LCAT: variants seen among roughly 807,000 people sequenced by gnomAD.
LCAT encodes the protein phosphatidylcholine-sterol acyltransferase.
A neutral mutation model predicts 41.0 loss-of-function variants in LCAT; 15 were observed. The observed-to-expected ratio is 0.37, with a 90% confidence interval of 0.24 to 0.56. LCAT has a LOEUF of 0.56. Ranked by LOEUF, LCAT falls within the 20% of genes least tolerant of loss-of-function variation. The probability of loss-of-function intolerance (pLI) is 0.81; values close to 1 mark genes in which losing one functional copy is unlikely to be tolerated. For synonymous variants in LCAT, 248 were observed against 245.4 expected (o/e 1.01, Z -0.10); for missense variants, 449 against 595.1 (o/e 0.75, Z 2.55).
At position 67,942,482 on chromosome 16, in the gene LCAT, T is replaced by A; in HGVS notation, c.629A>T (p.His210Leu). The A allele has an allele frequency of 6.2e-7, 1 of 1,613,706 alleles. No homozygotes were observed. Among genetic ancestry groups the A allele is most frequent in the Non-Finnish European group, 8.5e-7 (1 of 1,179,984 alleles). Residue 210 changes from histidine (H) to leucine (L), a missense_variant, in exon 5 of 6, where the codon CAC (histidine) becomes CTC (leucine). Coordinates refer to ENST00000264005, the MANE Select transcript of LCAT (RefSeq NM_000229.2). This position sits in a 1 kb window ranked among gnomAD's most constrained non-coding sequence, Gnocchi z 6.6. Reference sequence around the variant, plus strand: ...CTGGCGCAGCAGGAAATAGAGCAAGTGTAGACAGCCGAGGCTGTGGCCAAT... The same window carrying A: ...CTGGCGCAGCAGGAAATAGAGCAAGAGTAGACAGCCGAGGCTGTGGCCAAT... ...FLIGHSLGCL[H>L]LLYFLLRQPQ...
At position 67,942,633 on chromosome 16, in the gene LCAT, TGCCCCA is replaced by T; in HGVS notation, c.523+32_523+37del. ...CAGGGCAGCTGGGGTCTGGGGCACC[TGCCCCA>T]CCCCAAGCCGGTCATCCGCAGAGAC... On this transcript the variant is annotated intron_variant, in intron 4 of 5. Transcript: ENST00000264005. The surrounding 1 kb of genome is among the most constrained non-coding windows in gnomAD (Gnocchi z 6.6). 6.2e-7 allele frequency: 1 copy of T among 1,612,556 alleles called. No homozygotes were observed. Among genetic ancestry groups the T allele is most frequent in the East Asian group, 2.2e-5 (1 of 44,882 alleles).
Position 67,943,061 on chromosome 16 carries a change from G to GT in LCAT, c.305dup (p.Asn102LysfsTer68). 1 of 1,613,974 alleles carries GT rather than the reference G, an allele frequency of 6.2e-7. No individual in the cohort carries two copies. Among genetic ancestry groups the GT allele is most frequent in the Non-Finnish European group, 8.5e-7 (1 of 1,179,934 alleles). On this transcript the variant is annotated frameshift_variant, in exon 2 of 6. Transcript: ENST00000264005. LOFTEE classifies it high-confidence loss of function. The surrounding 1 kb of genome is among the most constrained non-coding windows in gnomAD (Gnocchi z 4.6). ...GGTGGAGCACATGGCTGTACCTGGT[G>GT]TTATCGATCCAGCAGTCTACCCCAA...
Position 67,942,396 on chromosome 16 carries a change from C to T in LCAT, c.715G>A (p.Gly239Ser). Residue 239 changes from glycine to serine, a missense_variant, in exon 5 of 6, where the codon GGC becomes AGC. Gly to Ser is a moderately conservative substitution (Grantham distance 56). Transcript: ENST00000264005. This position sits in a 1 kb window ranked among gnomAD's most constrained non-coding sequence, Gnocchi z 6.6. ...GFISLGAPWG[G>S]SIKPMLVLAS... is the part of the protein sequence containing the mutation. ...AAGACCAGCATGGGCTTGATGGAGCCACCCCAGGGAGCCCCAAGAGAGATG... is the reference window on the plus strand; with the variant it reads ...AAGACCAGCATGGGCTTGATGGAGCTACCCCAGGGAGCCCCAAGAGAGATG... 1 of 1,613,936 alleles carries T rather than the reference C, an allele frequency of 6.2e-7. No individual in the cohort carries two copies. Among genetic ancestry groups the T allele is most frequent in the Non-Finnish European group, 8.5e-7 (1 of 1,179,984 alleles).
intron 5 of LCAT, 170 bp from the exon 6 acceptor site, chr16:67,940,648 G>C: frequency 8.5e-7 from 1 of 1,183,244 alleles, no homozygotes; most frequent in Admixed American, 2.6e-5. Context: ...CTCAGTGTCA[G>C]CTTACTCAAT....
chr16:67,943,611 T>G lies in LCAT; in HGVS notation c.154+337A>C. The G allele has an allele frequency of 4.1e-6, 2 of 490,758 alleles. No homozygotes were observed. The highest frequency in any genetic ancestry group is 1.9e-5 in the African/African-American group (1 of 51,724). The allele number at this position is 490,758 out of a possible 1,614,324, so 30.4% of individuals were successfully genotyped here. Reference sequence around the variant, plus strand: ...GATCCTGGGCTGGGCATCTTGTCCTTGGTGGGTGGGGGCCAAGGAAGGAGT... The same window carrying G: ...GATCCTGGGCTGGGCATCTTGTCCTGGGTGGGTGGGGGCCAAGGAAGGAGT... On this transcript the variant is annotated intron_variant, in intron 1 of 5. Coordinates refer to ENST00000264005, the MANE Select transcript of LCAT (RefSeq NM_000229.2). The surrounding 1 kb of genome is among the most constrained non-coding windows in gnomAD (Gnocchi z 4.6).
Position 67,942,696 on chromosome 16 carries a change from G to T in LCAT, c.498C>A (p.Ala166=). The T allele has an allele frequency of 6.2e-7, 1 of 1,612,918 alleles. No homozygotes were observed. Among genetic ancestry groups the T allele is most frequent in the Non-Finnish European group, 8.5e-7 (1 of 1,179,934 alleles). ...CGGGCTCCAGCCGCCAGTCATAGGG[G>T]GCGGCGCGCACAGTCTCGTCCCGCA... ...GYVRDETVRA[A]PYDWRLEPGQ... The change falls in exon 4 of 6, where the codon GCC becomes GCA. Residue 166 remains alanine, a synonymous_variant. Coordinates refer to ENST00000264005, the MANE Select transcript of LCAT (RefSeq NM_000229.2). The surrounding 1 kb of genome is among the most constrained non-coding windows in gnomAD (Gnocchi z 6.6).
At position 67,943,384 on chromosome 16, in the gene LCAT, C is replaced by G; in HGVS notation, c.155-172G>C. On this transcript the variant is annotated intron_variant, in intron 1 of 5. Transcript: ENST00000264005. The surrounding 1 kb of genome is among the most constrained non-coding windows in gnomAD (Gnocchi z 4.6). ...ACACCCCCTCTCCCTGCTGTCCCCC[C>G]AGTAGCCAAAGCCCAGGCTTCCCTG... 1 of 676,158 alleles carries G rather than the reference C, an allele frequency of 1.5e-6. No individual in the cohort carries two copies. Among genetic ancestry groups the G allele is most frequent in the Admixed American group, 2.1e-5 (1 of 47,142 alleles). 41.9% of individuals were successfully genotyped at this position (676,158 alleles called of 1,614,324 possible). A position where few individuals can be genotyped will look rare whatever the true frequency, so the allele number is the denominator to read the frequency against.
Position 67,942,691 on chromosome 16 carries a change from T to C in LCAT, c.503A>G (p.Tyr168Cys), listed in dbSNP as rs779203902. 16 of 1,612,668 alleles carry C rather than the reference T, an allele frequency of 9.9e-6. No homozygotes were observed. The highest frequency in any genetic ancestry group is 2.7e-5 in the African/African-American group (2 of 74,914). The change falls in exon 4 of 6, where the codon TAT becomes TGT. Residue 168 changes from tyrosine to cysteine, a missense_variant. Tyr to Cys is a radical substitution (Grantham distance 194, BLOSUM62 -2). Transcript: ENST00000264005. This position sits in a 1 kb window ranked among gnomAD's most constrained non-coding sequence, Gnocchi z 6.6. ...VRDETVRAAP[Y>C]DWRLEPGQQE... ...CTCACCGGGCTCCAGCCGCCAGTCA[T>C]AGGGGGCGGCGCGCACAGTCTCGTC...
chr16:67,942,828 C>A lies in LCAT; in HGVS notation c.427+33G>T. ...TGCCTGCTGTGGGCCAGCACCCAGG[C>A]CTGGAGCCCCAGCCCTGCCCTCTGA... On this transcript the variant is annotated intron_variant, in intron 3 of 5. Transcript: ENST00000264005. This position sits in a 1 kb window ranked among gnomAD's most constrained non-coding sequence, Gnocchi z 6.6. 6.2e-7 allele frequency: 1 copy of A among 1,611,380 alleles called. No individual in the cohort carries two copies. The highest frequency in any genetic ancestry group is 8.5e-7 in the Non-Finnish European group (1 of 1,178,298).
Position 67,939,844 on chromosome 16 carries a change from T to C in LCAT, c.*60A>G. On this transcript the variant is annotated 3_prime_UTR_variant, in exon 6 of 6. Coordinates refer to ENST00000264005, the MANE Select transcript of LCAT (RefSeq NM_000229.2). ...AGGAGTGAAACCTAGTGTGGGACTC[T>C]AGTGCCTCCCTTCAACCTGAAACAT... 2 of 1,576,684 alleles carry C rather than the reference T, an allele frequency of 1.3e-6. No individual in the cohort carries two copies. The highest frequency in any genetic ancestry group is 8.6e-7 in the Non-Finnish European group (1 of 1,159,150).
Position 67,940,542 on chromosome 16 carries a change from T to C in LCAT, c.749-64A>G, listed in dbSNP as rs569405393. On this transcript the variant is annotated intron_variant, in intron 5 of 5. Transcript: ENST00000264005. Reference sequence around the variant, plus strand: ...TGGCTACCCCTGGCCCACAACCTGCTGAGTGTAGGCTCAGCCAGATGCTCA... The same window carrying C: ...TGGCTACCCCTGGCCCACAACCTGCCGAGTGTAGGCTCAGCCAGATGCTCA... The C allele has an allele frequency of 1.9e-6, 3 of 1,604,772 alleles. No homozygotes were observed. In the Admixed American group the frequency reaches 5.1e-5, roughly 27 times the overall value.
In LCAT at chr16:67,943,734, C is replaced by G. The variant is rs926619618; in HGVS notation, c.154+214G>C. 3 of 583,334 alleles carry G rather than the reference C, an allele frequency of 5.1e-6. No individual in the cohort carries two copies. In the African/African-American group the frequency reaches 5.6e-5, roughly 11 times the overall value. 36.1% of individuals were successfully genotyped at this position (583,334 alleles called of 1,614,324 possible). A position where few individuals can be genotyped will look rare whatever the true frequency, so the allele number is the denominator to read the frequency against. On this transcript the variant is annotated intron_variant, in intron 1 of 5. Coordinates refer to ENST00000264005, the MANE Select transcript of LCAT (RefSeq NM_000229.2). The surrounding 1 kb of genome is among the most constrained non-coding windows in gnomAD (Gnocchi z 4.6). ...GCACACCCCGTCCCCCACTCCGCCC[C>G]CCCTGGGTTAGACAACTGAGAGTCA...
At position 67,943,408 on chromosome 16, in the gene LCAT, T is replaced by A; in HGVS notation, c.155-196A>T. The A allele has an allele frequency of 3.4e-6, 2 of 592,550 alleles. No individual in the cohort carries two copies. Among genetic ancestry groups the A allele is most frequent in the Non-Finnish European group, 3.1e-6 (1 of 324,798 alleles). The allele number at this position is 592,550 out of a possible 1,614,324, so 36.7% of individuals were successfully genotyped here. A position where few individuals can be genotyped will look rare whatever the true frequency, so the allele number is the denominator to read the frequency against. On this transcript the variant is annotated intron_variant, in intron 1 of 5. Transcript: ENST00000264005. The surrounding 1 kb of genome is among the most constrained non-coding windows in gnomAD (Gnocchi z 4.6). The stretch of plus-strand genomic sequence containing the variant: ...CCAGTAGCCAAAGCCCAGGCTTCCC[T>A]GAGGAAGGGAAGGCGCTGAGGTGCT...
In LCAT at chr16:67,940,206, C is replaced by T. The variant is rs746487870; in HGVS notation, c.1021G>A (p.Val341Met). ...TAGGTGCGGGGCGTGGGCAGGCCCA[C>T]GCCGTAAAGACAGTATACTTCCACA... The part of the protein sequence containing the change: ...PGVEVYCLYG[V>M]GLPTPRTYIY... The change falls in exon 6 of 6, where the codon GTG becomes ATG. Residue 341 changes from valine (V) to methionine (M), a missense_variant. Physicochemically the swap from Val to Met is conservative, Grantham distance 21. Coordinates refer to ENST00000264005, the MANE Select transcript of LCAT (RefSeq NM_000229.2). The T allele has an allele frequency of 4.5e-5, 72 of 1,612,562 alleles. No homozygotes were observed. Among genetic ancestry groups the T allele is most frequent in the Non-Finnish European group, 4.4e-5 (52 of 1,179,912 alleles).
At position 67,942,920 on chromosome 16, in the gene LCAT, C is replaced by G. The variant is rs199717050; in HGVS notation, c.368G>C (p.Arg123Pro). 1.2e-6 allele frequency: 2 copies of G among 1,613,872 alleles called. No homozygotes were observed. Among genetic ancestry groups the G allele is most frequent in the Admixed American group, 3.3e-5 (2 of 60,022 alleles). Residue 123 changes from arginine to proline, a missense_variant, in exon 3 of 6, where the codon CGC becomes CCC. Arg to Pro is a moderately radical substitution (Grantham distance 103). Transcript: ENST00000264005. The surrounding 1 kb of genome is among the most constrained non-coding windows in gnomAD (Gnocchi z 6.6). ...LVSNAPGVQI[R>P]VPGFGKTYSV... ...GTAGGTCTTGCCAAAGCCAGGGACG[C>G]GGATCTGGACACCAGGGGCGTTGGA... is the stretch of plus-strand genomic sequence containing the variant.
At position 67,943,188 on chromosome 16, in the gene LCAT, A is replaced by G. The variant is rs1474727071; in HGVS notation, c.179T>C (p.Leu60Pro). The change falls in exon 2 of 6, where the codon CTA becomes CCA. Residue 60 changes from leucine (L) to proline (P), a missense_variant. Coordinates refer to ENST00000264005, the MANE Select transcript of LCAT (RefSeq NM_000229.2). This position sits in a 1 kb window ranked among gnomAD's most constrained non-coding sequence, Gnocchi z 4.6. ...ATCTGGTTTGTCCAGCTTGGCTTCT[A>G]GCTGATTCCCCAGGCAGCCGGGCAC... is the stretch of plus-strand genomic sequence containing the variant. Reference protein sequence around the residue: ...ILVPGCLGNQLEAKLDKPDVV... With the variant: ...ILVPGCLGNQPEAKLDKPDVV... The G allele has an allele frequency of 6.2e-7, 1 of 1,613,398 alleles. No individual in the cohort carries two copies. The highest frequency in any genetic ancestry group is 1.3e-5 in the African/African-American group (1 of 74,842).
In LCAT at chr16:67,943,088, G is replaced by C; in HGVS notation, c.279C>G (p.Pro93=). Residue 93 remains proline (P), a synonymous_variant, in exon 2 of 6, where the codon CCC becomes CCG. Coordinates refer to ENST00000264005, the MANE Select transcript of LCAT (RefSeq NM_000229.2). This position sits in a 1 kb window ranked among gnomAD's most constrained non-coding sequence, Gnocchi z 4.6. Reference sequence around the variant, plus strand: ...TATCGATCCAGCAGTCTACCCCAAGGGGTAGGAACATGTTGAGATCCAGCC... The same window carrying C: ...TATCGATCCAGCAGTCTACCCCAAGCGGTAGGAACATGTTGAGATCCAGCC... ...TIWLDLNMFL[P]LGVDCWIDNT... The C allele has an allele frequency of 6.2e-7, 1 of 1,613,982 alleles. No homozygotes were observed. Among genetic ancestry groups the C allele is most frequent in the Middle Eastern group, 1.7e-4 (1 of 6,060 alleles).
chr16:67,942,526 A>C lies in LCAT; in HGVS notation c.585T>G (p.Tyr195Ter). 1 of 1,613,666 alleles carries C rather than the reference A, an allele frequency of 6.2e-7. No individual in the cohort carries two copies. The highest frequency in any genetic ancestry group is 8.5e-7 in the Non-Finnish European group (1 of 1,180,002). ...AGLVEEMHAA[Y>*]GKPVFLIGHS... ...GGCCAATGAGGAAGACAGGCTTCCC[A>C]TAGGCAGCGTGCATCTCCTCCACCA... The change falls in exon 5 of 6, where the codon TAT (tyrosine) becomes TAG (stop). Residue 195 changes from tyrosine (Y) to a stop codon, truncating the protein, a stop_gained. Transcript: ENST00000264005. LOFTEE classifies it high-confidence loss of function. This position sits in a 1 kb window ranked among gnomAD's most constrained non-coding sequence, Gnocchi z 6.6.
Position 67,942,663 on chromosome 16 carries a change from A to ACACT in LCAT, c.523+4_523+7dup. 1 of 1,612,780 alleles carries ACACT rather than the reference A, an allele frequency of 6.2e-7. No homozygotes were observed. On this transcript the variant is annotated splice_region_variant and intron_variant, in intron 4 of 5. Coordinates refer to ENST00000264005, the MANE Select transcript of LCAT (RefSeq NM_000229.2). This position sits in a 1 kb window ranked among gnomAD's most constrained non-coding sequence, Gnocchi z 6.6. ...CACCCCAAGCCGGTCATCCGCAGAG[A>ACACT]CACTCACCGGGCTCCAGCCGCCAGT... is the stretch of plus-strand genomic sequence containing the variant.
Sources: gnomAD v4.1 joint callset for allele counts on GRCh38, gnomAD v4.1.1 for gene constraint, Gnocchi (gnomAD v3.1) non-coding constraint, MANE v1.5 for transcripts, NCBI Gene and HGNC (gene_info 2026-07-23, HGNC 2026-07-21) for gene names.